The following DCTD variants were observed in gnomAD, a reference collection of about 807,000 sequenced individuals.
DCTD encodes the protein deoxycytidylate deaminase.
In DCTD, 23 loss-of-function variants were observed where a neutral mutation model predicts 21.0. The observed-to-expected ratio is 1.09, with a 90% CI of 0.79 to 1.55. The LOEUF (loss-of-function observed/expected upper bound fraction) is 1.55. Ranked by LOEUF, DCTD falls within the 40% of genes most tolerant of loss-of-function variation. The pLI is 0.00. For missense variants in DCTD, 224 were observed against 230.0 expected, an observed-to-expected ratio of 0.97 and a Z score of 0.17; for synonymous variants, 71 against 81.1, an observed-to-expected ratio of 0.88 and a Z score of 0.67.
chr4:182,905,689 C>T (rs1736579839), intron 3 of DCTD, among the ~76,000 whole-genome samples: 1 of 152,154 alleles, frequency 6.6e-6, no homozygotes, highest in African/African-American at 2.4e-5. Context: ...GGCTCAGCCA[C>T]AGCTACTCCT....
chr4:182,912,600 T>G (rs1338710393), intron 3 of DCTD, among the ~76,000 whole-genome samples: 1 of 152,230 alleles, frequency 6.6e-6, no homozygotes, highest in Non-Finnish European at 1.5e-5. Flanking sequence ...CAAATACCTA[T>G]GCAGGTTTTT....
rs1733637089 is a variant in DCTD at position 182,890,952 on chromosome 4, CTTCACTTGGGCCAGATG to C, written c.*430_*446del. ...TCTTCCAAGGGCACTATATGCCATGCTTCACTTGGGCCAGATGTTCAGATCAGTGTGTCTGCTCGTCC... is the reference window on the plus strand; with the variant it reads ...TCTTCCAAGGGCACTATATGCCATGCTTCAGATCAGTGTGTCTGCTCGTCC... On this transcript the variant is annotated 3_prime_UTR_variant, in exon 6 of 6. Transcript: ENST00000438320. 6.4e-6 allele frequency: 1 copy of C among 156,848 alleles called. No individual in the cohort carries two copies. Among genetic ancestry groups the C allele is most frequent in the Non-Finnish European group, 1.4e-5 (1 of 70,824 alleles). The allele number at this position is 156,848 out of a possible 1,614,324, so 9.7% of individuals were successfully genotyped here. A position where few individuals can be genotyped will look rare whatever the true frequency, so the allele number is the denominator to read the frequency against.
At chr4:182,898,936 G>A (rs1442199602) in intron 3 of DCTD, among the ~76,000 whole-genome samples, 2 of 152,196 alleles carry the variant, frequency 1.3e-5, no homozygotes, top group East Asian at 1.9e-4. Flanking sequence ...AGGTAAGAAG[G>A]GAAGGATAGA....
rs1336463703 is a variant in DCTD at position 182,917,237 on chromosome 4, C to T, written c.-8+74G>A. On this transcript the variant is annotated intron_variant, in intron 1 of 5. Transcript: ENST00000438320. The surrounding 1 kb of genome is among the most constrained non-coding windows in gnomAD (Gnocchi z 4.9). Reference sequence around the variant, plus strand: ...CCGGCAGCCAGCGCCCCGCGCCACGCGCTCGGGACGGTGCCACGCGGCGGT... The same window carrying T: ...CCGGCAGCCAGCGCCCCGCGCCACGTGCTCGGGACGGTGCCACGCGGCGGT... 2.0e-5 allele frequency: 20 copies of T among 1,002,334 alleles called. No homozygotes were observed. Among genetic ancestry groups the T allele is most frequent in the East Asian group, 2.1e-4 (2 of 9,466 alleles). The allele number at this position is 1,002,334 out of a possible 1,614,324, so 62.1% of individuals were successfully genotyped here.
intron 3 of DCTD, among the ~76,000 whole-genome samples, chr4:182,898,423 G>T (rs1388876116): frequency 6.6e-6 from 1 of 152,238 alleles, no homozygotes; most frequent in Non-Finnish European, 1.5e-5. Context: ...GTGGATCTGA[G>T]AAAGTGCATT....
At chr4:182,902,055 C>A (rs1397928474) in intron 3 of DCTD, among the ~76,000 whole-genome samples, 3 of 152,178 alleles carry the variant, frequency 2.0e-5, no homozygotes, top group African/African-American at 4.8e-5. Flanking sequence ...TGCTTCACAG[C>A]TTCTGGAACT....
chr4:182,912,390 A>C (rs1191189450), intron 3 of DCTD, among the ~76,000 whole-genome samples: 1 of 152,196 alleles, frequency 6.6e-6, no homozygotes, highest in Non-Finnish European at 1.5e-5. Flanking sequence ...TTTATGGTAC[A>C]TCAAATTACA....
intron 3 of DCTD, among the ~76,000 whole-genome samples, chr4:182,900,700 T>A (rs182460153): frequency 6.6e-6 from 1 of 152,308 alleles, no homozygotes; most frequent in African/African-American, 2.4e-5. Flanking sequence ...ATATATTTGA[T>A]AAGCACAAAG....
At chr4:182,902,234 A>G (rs915198122) in intron 3 of DCTD, among the ~76,000 whole-genome samples, 1 of 152,162 alleles carries the variant, frequency 6.6e-6, no homozygotes, top group African/African-American at 2.4e-5. Flanking sequence ...ACTCTCCCAA[A>G]AGCTTATGAA....
intron 1 of DCTD, chr4:182,916,836 C>A: frequency 1.9e-6 from 2 of 1,077,650 alleles, no homozygotes; most frequent in Admixed American, 4.8e-5. Flanking sequence ...CCCACTAGAG[C>A]CCTGTGAGGA....
intron 3 of DCTD, among the ~76,000 whole-genome samples, chr4:182,898,946 A>G (rs1735226716): frequency 6.6e-6 from 1 of 152,228 alleles, no homozygotes; most frequent in African/African-American, 2.4e-5. Context: ...GGAAGGATAG[A>G]GGTCAGAATG....
In DCTD at chr4:182,890,366, T is replaced by A. The variant is rs1397503601; in HGVS notation, c.*1033A>T. ...GGTGATTAGGAAGGTGATGCTTGTG[T>A]AGGTGAAAGCATGGAGCCAGGGCAC... is the stretch of plus-strand genomic sequence containing the variant. On this transcript the variant is annotated 3_prime_UTR_variant, in exon 6 of 6. Coordinates refer to ENST00000438320, the MANE Select transcript of DCTD (RefSeq NM_001921.3). The A allele has an allele frequency of 6.6e-6, 1 of 152,214 alleles. No homozygotes were observed. Among genetic ancestry groups the A allele is most frequent in the East Asian group, 1.9e-4 (1 of 5,176 alleles). The allele number at this position is 152,214 out of a possible 1,614,324, so 9.4% of individuals were successfully genotyped here.
chr4:182,904,414 G>A (rs538941232), intron 3 of DCTD, among the ~76,000 whole-genome samples: 20 of 152,308 alleles, frequency 1.3e-4, no homozygotes, highest in Admixed American at 5.9e-4. Flanking sequence ...GAAACAGAGC[G>A]CTAATCAGCG....
At position 182,891,213 on chromosome 4, in the gene DCTD, T is replaced by G; in HGVS notation, c.*186A>C. On this transcript the variant is annotated 3_prime_UTR_variant, in exon 6 of 6. Coordinates refer to ENST00000438320, the MANE Select transcript of DCTD (RefSeq NM_001921.3). ...CTATTTTAAACCCTAAAGCAATAGT[T>G]CAAACACATGTAGATTCCATGTGAC... The G allele has an allele frequency of 1.7e-6, 1 of 578,468 alleles. No individual in the cohort carries two copies. Among genetic ancestry groups the G allele is most frequent in the Non-Finnish European group, 3.1e-6 (1 of 324,224 alleles). 35.8% of individuals were successfully genotyped at this position (578,468 alleles called of 1,614,324 possible).
rs762837387 is a variant in DCTD, at chr4:182,894,596, G to A, written c.254C>T (p.Ala85Val). Residue 85 changes from alanine to valine, a missense_variant, in exon 4 of 6, where the codon GCG becomes GTG. Physicochemically the swap from Ala to Val is moderately conservative, Grantham distance 64. Transcript: ENST00000438320. ...LDTKYPYVCH[A>V]ELNAIMNKNS... is the part of the protein sequence containing the mutation. The stretch of plus-strand genomic sequence containing the variant: ...TTTGTTCATGATGGCATTCAGCTCC[G>A]CATGGCACACTGTGGGTTGAAAGGG... 9.9e-6 allele frequency: 16 copies of A among 1,611,034 alleles called. No individual in the cohort carries two copies. The highest frequency in any genetic ancestry group is 1.3e-5 in the African/African-American group (1 of 74,854).
chr4:182,906,739 C>T (rs576601879), intron 3 of DCTD, among the ~76,000 whole-genome samples: 1 of 152,294 alleles, frequency 6.6e-6, no homozygotes, highest in Admixed American at 6.5e-5. Flanking sequence ...GCATTTTGAA[C>T]AAAGTCTTTT....
rs577158890 is a variant in DCTD at position 182,912,428 on chromosome 4, G to A, written c.244+2495C>T. On this transcript the variant is annotated intron_variant, in intron 3 of 5. Transcript: ENST00000438320. The stretch of plus-strand genomic sequence containing the variant: ...CTTACTCTCGTGAAAGAAAACTGTC[G>A]ACATTCTAACACAGCTACATATAAA... Among the ~76,000 whole-genome samples, 3 of 152,064 alleles carry A rather than the reference G, an allele frequency of 2.0e-5. No homozygotes were observed. The South Asian group carries it at 6.2e-4, about 32-fold the overall frequency.
chr4:182,891,699 T>A lies in DCTD; in HGVS notation c.459-222A>T, dbSNP rs78626632. The stretch of plus-strand genomic sequence containing the variant: ...GCATGGGGTGGTGTGGTTTGTATGT[T>A]TTCAGCTCTCTGAGTTCACGAATTA... On this transcript the variant is annotated intron_variant, in intron 5 of 5. Coordinates refer to ENST00000438320, the MANE Select transcript of DCTD (RefSeq NM_001921.3). 6.0e-3 allele frequency among the ~76,000 whole-genome samples: 919 copies of A among 152,326 alleles called. 10 individuals are homozygous for A. The highest frequency in any genetic ancestry group is 0.02 in the African/African-American group (841 of 41,574).
At chr4:182,915,625 G>C in intron 1 of DCTD, 50 bp from the exon 2 acceptor site, 1 of 1,276,932 alleles carries the variant, frequency 7.8e-7, no homozygotes, top group East Asian at 2.3e-5. Flanking sequence ...ATTTTAGTAA[G>C]TCTGTTTTCC....
Sources: gnomAD v4.1 joint callset for allele counts (sites outside exome capture counted in the v4.1 genomes callset) on GRCh38, gnomAD v4.1.1 for gene constraint, Gnocchi (gnomAD v3.1) non-coding constraint, MANE v1.5 for transcripts, NCBI Gene and HGNC (gene_info 2026-07-23, HGNC 2026-07-21) for gene names.